The following SNTB1 variants were observed in gnomAD, a reference collection of about 807,000 sequenced individuals.
The protein encoded by SNTB1 is beta-1-syntrophin.
In SNTB1, 36 loss-of-function variants were observed where a neutral mutation model predicts 48.9. The observed-to-expected ratio is 0.74, with a 90% confidence interval of 0.56 to 0.97. SNTB1 has a LOEUF of 0.97. Ranked by LOEUF, SNTB1 falls within the 50% of genes least tolerant of loss-of-function variation. SNTB1 has a pLI of 0.00. For synonymous variants in SNTB1, 299 were observed against 294.6 expected, an observed-to-expected ratio of 1.01 and a Z score of -0.15; for missense variants, 786 against 703.4, an observed-to-expected ratio of 1.12 and a Z score of -1.33.
At chr8:120,543,530 T>A (rs915290040) in intron 5 of SNTB1, among the ~76,000 whole-genome samples, 1 of 152,060 alleles carries the variant, frequency 6.6e-6, no homozygotes, top group Non-Finnish European at 1.5e-5. Flanking sequence ...ACCCGGGTTG[T>A]TTGGCTTTCA....
At chr8:120,640,512 G>T (rs1817173154) in intron 2 of SNTB1, among the ~76,000 whole-genome samples, 1 of 152,008 alleles carries the variant, frequency 6.6e-6, no homozygotes, top group Non-Finnish European at 1.5e-5. Flanking sequence ...ATTGGCTGTG[G>T]GTTTGTCATA....
chr8:120,711,003 T>TG (rs1282989766), intron 1 of SNTB1, among the ~76,000 whole-genome samples: 2 of 152,148 alleles, frequency 1.3e-5, no homozygotes, highest in African/African-American at 4.8e-5. Context: ...GACCTGCACT[T>TG]GGAGAAGAAT....
At chr8:120,601,564 A>G (rs1816422826) in intron 3 of SNTB1, among the ~76,000 whole-genome samples, 1 of 152,200 alleles carries the variant, frequency 6.6e-6, no homozygotes, top group African/African-American at 2.4e-5. Flanking sequence ...ATACAGAGTA[A>G]TGTGTATTGG....
At position 120,811,282 on chromosome 8, in the gene SNTB1, G is replaced by A. The variant is rs2130200979; in HGVS notation, c.562C>T (p.Leu188=). ...QALKRAGKEV[L]LEVKYMREAT... ...GCTGTTAACCCCTTACCTTCCAGCAGCACTTCCTTGCCCGCGCGCTTCAAC... is the reference window on the plus strand; with the variant it reads ...GCTGTTAACCCCTTACCTTCCAGCAACACTTCCTTGCCCGCGCGCTTCAAC... Residue 188 remains leucine, a synonymous_variant, in exon 1 of 7, where the codon CTG becomes TTG. Coordinates refer to ENST00000517992, the MANE Select transcript of SNTB1 (RefSeq NM_021021.4). 1 of 1,599,832 alleles carries A rather than the reference G, an allele frequency of 6.3e-7. No individual in the cohort carries two copies. The highest frequency in any genetic ancestry group is 1.1e-5 in the South Asian group (1 of 90,404).
chr8:120,611,176 T>C (rs565533959), intron 3 of SNTB1, among the ~76,000 whole-genome samples: 2 of 152,274 alleles, frequency 1.3e-5, no homozygotes, highest in East Asian at 1.9e-4. Flanking sequence ...AGAGTGCATA[T>C]GAAATTGATG....
intron 1 of SNTB1, among the ~76,000 whole-genome samples, chr8:120,789,806 A>T (rs1481570085): frequency 6.6e-6 from 1 of 152,022 alleles, no homozygotes; most frequent in African/African-American, 2.4e-5. Context: ...TCTACCAGAC[A>T]TTCAAAGGAG....
chr8:120,580,704 C>T (rs975220823), intron 3 of SNTB1, among the ~76,000 whole-genome samples: 14 of 152,122 alleles, frequency 9.2e-5, no homozygotes, highest in African/African-American at 2.7e-4. Context: ...GACAAGCTAT[C>T]GGTGTAATAA....
chr8:120,559,466 A>G (rs999137424), intron 4 of SNTB1, among the ~76,000 whole-genome samples: 3 of 152,226 alleles, frequency 2.0e-5, no homozygotes, highest in Non-Finnish European at 2.9e-5. Context: ...TAAATGCCCA[A>G]TGTGATGAAT....
At chr8:120,710,125 C>T (rs1818439820) in intron 1 of SNTB1, among the ~76,000 whole-genome samples, 1 of 152,174 alleles carries the variant, frequency 6.6e-6, no homozygotes, top group African/African-American at 2.4e-5. Context: ...GGGCAAAAGG[C>T]AGACATCAAA....
At chr8:120,742,517 A>T (rs1014175411) in intron 1 of SNTB1, among the ~76,000 whole-genome samples, 23 of 152,182 alleles carry the variant, frequency 1.5e-4, no homozygotes, top group Non-Finnish European at 2.6e-4. Flanking sequence ...GCACCTGAGC[A>T]TCCCTGTCTC....
At chr8:120,586,333 G>T (rs1816139072) in intron 3 of SNTB1, among the ~76,000 whole-genome samples, 1 of 152,176 alleles carries the variant, frequency 6.6e-6, no homozygotes, top group Admixed American at 6.5e-5. Context: ...AAACTTGGTG[G>T]TATTTGCTAT....
At chr8:120,763,726 AAAG>A (rs1441044795) in intron 1 of SNTB1, among the ~76,000 whole-genome samples, 1 of 152,022 alleles carries the variant, frequency 6.6e-6, no homozygotes, top group African/African-American at 2.4e-5. Flanking sequence ...AAAAATGGGC[AAAG>A]AATATAAATA....
At chr8:120,632,253 A>G (rs1246310597) in intron 3 of SNTB1, among the ~76,000 whole-genome samples, 191 bp downstream of exon 3, 2 of 152,218 alleles carry the variant, frequency 1.3e-5, no homozygotes, top group African/African-American at 2.4e-5. Flanking sequence ...GACTAAGTGC[A>G]GGTAATCAAA....
chr8:120,548,999 A>G, intron 4 of SNTB1, 41 bp from the exon 5 acceptor site: 2 of 1,485,494 alleles, frequency 1.3e-6, no homozygotes, highest in South Asian at 1.3e-5. Context: ...AATGGAGACT[A>G]GTTTATTCAC....
At chr8:120,649,623 T>C (rs1177272978) in intron 2 of SNTB1, among the ~76,000 whole-genome samples, 1 of 148,604 alleles carries the variant, frequency 6.7e-6, no homozygotes, top group Admixed American at 6.7e-5. Context: ...TCTTTTTGTT[T>C]GTCTGTGCCC....
chr8:120,591,537 G>A (rs1199802430), intron 3 of SNTB1, among the ~76,000 whole-genome samples: 1 of 152,202 alleles, frequency 6.6e-6, no homozygotes, highest in Non-Finnish European at 1.5e-5. Flanking sequence ...AATGTGAGGA[G>A]TATGAGGTTT....
At chr8:120,555,796 A>G (rs1175522271) in intron 4 of SNTB1, among the ~76,000 whole-genome samples, 7 of 152,072 alleles carry the variant, frequency 4.6e-5, no homozygotes, top group African/African-American at 1.7e-4. Flanking sequence ...CATTAATCCA[A>G]CGGAACCGTG....
chr8:120,624,508 C>T (rs148390193), intron 3 of SNTB1, among the ~76,000 whole-genome samples: 20 of 152,298 alleles, frequency 1.3e-4, no homozygotes, highest in African/African-American at 4.8e-4. Flanking sequence ...ACCTAATCAT[C>T]TCTTAAAGGT....
chr8:120,746,049 C>G (rs1819120628), intron 1 of SNTB1, among the ~76,000 whole-genome samples: 1 of 152,202 alleles, frequency 6.6e-6, no homozygotes, highest in South Asian at 2.1e-4. Context: ...TTATCCACGA[C>G]AGTTTGGTGC....
Sources: gnomAD v4.1 joint callset for allele counts (sites outside exome capture counted in the v4.1 genomes callset) on GRCh38, gnomAD v4.1.1 for gene constraint, MANE v1.5 for transcripts, NCBI Gene and HGNC (gene_info 2026-07-23, HGNC 2026-07-21) for gene names.